ANKRD44: variants seen among roughly 807,000 people sequenced by gnomAD.
ANKRD44 encodes serine/threonine-protein phosphatase 6 regulatory ankyrin repeat subunit B.
In ANKRD44, 35 loss-of-function variants were observed where a neutral mutation model predicts 116.0. The ratio of observed to expected loss-of-function variants is 0.30; its 90% CI spans 0.23 to 0.40. The LOEUF is 0.40. Among genes scored for constraint, ANKRD44 ranks in the 10% least tolerant of loss-of-function variants. ANKRD44 has a pLI of 1.00. For missense variants in ANKRD44, 1,014 were observed against 1,242.6 expected, an observed-to-expected ratio of 0.82 and a Z score of 2.77; for synonymous variants, 435 against 461.8, an observed-to-expected ratio of 0.94 and a Z score of 0.74.
chr2:197,263,401 C>T, intron 1 of ANKRD44: 1 of 605,934 alleles, frequency 1.7e-6, no homozygotes, highest in Non-Finnish European at 3.0e-6. Context: ...GTTTGGGAGC[C>T]TCATCATTGA....
intron 6 of ANKRD44, among the ~76,000 whole-genome samples, 155 bp from the exon 7 acceptor site, chr2:197,122,947 T>C (rs980570092): frequency 6.6e-6 from 1 of 152,238 alleles, no homozygotes; most frequent in African/African-American, 2.4e-5. Flanking sequence ...TCAACAAATA[T>C]TTATTGAGTA....
At chr2:197,248,259 A>G (rs1306956503) in intron 1 of ANKRD44, among the ~76,000 whole-genome samples, 1 of 151,838 alleles carries the variant, frequency 6.6e-6, no homozygotes, top group African/African-American at 2.4e-5. Context: ...GGTCGGTGAG[A>G]CTCATCCAAT....
intron 16 of ANKRD44, among the ~76,000 whole-genome samples, chr2:197,059,841 T>C (rs897868789): frequency 1.3e-5 from 2 of 152,244 alleles, no homozygotes; most frequent in African/African-American, 4.8e-5. Context: ...ACAGGTTCTC[T>C]GATATTTTGA....
intron 2 of ANKRD44, among the ~76,000 whole-genome samples, chr2:197,148,347 C>T (rs72926637): frequency 0.033 from 5,066 of 152,270 alleles, 118 homozygotes; most frequent in Non-Finnish European, 0.051. Flanking sequence ...CTAGTCTACA[C>T]GTATGGTTTC....
intron 1 of ANKRD44, among the ~76,000 whole-genome samples, chr2:197,301,808 C>A (rs1443392289): frequency 6.6e-6 from 1 of 152,176 alleles, no homozygotes; most frequent in East Asian, 1.9e-4. Context: ...ACCAAACTAA[C>A]AAAATAATCT....
intron 21 of ANKRD44, among the ~76,000 whole-genome samples, chr2:196,970,393 A>C (rs1341394768): frequency 6.6e-6 from 1 of 152,178 alleles, no homozygotes; most frequent in African/African-American, 2.4e-5. Flanking sequence ...TCCGTGTTTT[A>C]CAGTTGAAGG....
intron 2 of ANKRD44, among the ~76,000 whole-genome samples, chr2:197,179,270 T>C (rs1283665606): frequency 6.6e-6 from 1 of 152,220 alleles, no homozygotes; most frequent in East Asian, 1.9e-4. Context: ...AAGAGTTTCC[T>C]AGCTAGTCTC....
At chr2:197,104,335 G>C (rs1233033264) in intron 9 of ANKRD44, among the ~76,000 whole-genome samples, 1 of 152,068 alleles carries the variant, frequency 6.6e-6, no homozygotes, top group Non-Finnish European at 1.5e-5. Context: ...TGGCCAGGCT[G>C]GTCTCGAACT....
chr2:197,125,887 G>A lies in ANKRD44; in HGVS notation c.412C>T (p.Arg138Ter). 1.2e-6 allele frequency: 2 copies of A among 1,614,152 alleles called. No individual in the cohort carries two copies. The highest frequency in any genetic ancestry group is 1.7e-6 in the Non-Finnish European group (2 of 1,180,042). ...TGGTGCAAGGCTGTGCGCCCCCCTC[G>A]GTCGGAGACATTGACACTGCTCAGC... is the stretch of plus-strand genomic sequence containing the variant. ...PLLSSVNVSDRGGRTALHHAA... is the reference protein window; with the variant it reads ...PLLSSVNVSD Residue 138 changes from arginine (R) to a stop codon, truncating the protein, a stop_gained, in exon 5 of 28, where the codon CGA becomes TGA. Coordinates refer to ENST00000282272, the MANE Select transcript of ANKRD44 (RefSeq NM_001195144.2). LOFTEE classifies it high-confidence loss of function.
intron 1 of ANKRD44, among the ~76,000 whole-genome samples, chr2:197,199,953 T>A (rs939172015): frequency 6.6e-6 from 1 of 152,212 alleles, no homozygotes; most frequent in Admixed American, 6.5e-5. Context: ...CCTCTATCAG[T>A]GCTTATCCAC....
rs2125660577 is a variant in ANKRD44 at position 197,201,118 on chromosome 2, G to C, written c.28-14012C>G. Among the ~76,000 whole-genome samples the C allele has an allele frequency of 6.6e-6, 1 of 152,196 alleles. No individual in the cohort carries two copies. The highest frequency in any genetic ancestry group is 1.9e-4 in the East Asian group (1 of 5,186). On this transcript the variant is annotated intron_variant, in intron 1 of 27. Transcript: ENST00000282272. The surrounding 1 kb of genome is among the most constrained non-coding windows in gnomAD (Gnocchi z 4.0). ...AAAGGCATGGGTAATTTTTAACTGA[G>C]AGGTGGTGCCACAGAGAAGTCTATG...
At chr2:197,283,123 C>G (rs776944286) in intron 1 of ANKRD44, among the ~76,000 whole-genome samples, 2 of 152,208 alleles carry the variant, frequency 1.3e-5, no homozygotes, top group Admixed American at 6.5e-5. Flanking sequence ...TAGATTCTCA[C>G]TGACCCACAG....
intron 1 of ANKRD44, among the ~76,000 whole-genome samples, chr2:197,214,645 G>A (rs2081403899): frequency 6.6e-6 from 1 of 152,012 alleles, no homozygotes; most frequent in Non-Finnish European, 1.5e-5. Flanking sequence ...GATATAGTTG[G>A]GAAAGAAAAG....
intron 1 of ANKRD44, among the ~76,000 whole-genome samples, chr2:197,223,736 AC>A (rs1204493418): frequency 6.6e-6 from 1 of 152,224 alleles, no homozygotes; most frequent in Non-Finnish European, 1.5e-5. Flanking sequence ...AATAGTTATA[AC>A]AACTTACACT....
chr2:197,290,652 T>A (rs944055564), intron 1 of ANKRD44, among the ~76,000 whole-genome samples: 1 of 152,246 alleles, frequency 6.6e-6, no homozygotes, highest in Non-Finnish European at 1.5e-5. Flanking sequence ...TTGCATGTAT[T>A]ATTACTAATT....
intron 16 of ANKRD44, among the ~76,000 whole-genome samples, chr2:197,049,512 T>C (rs542779535): frequency 2.0e-5 from 3 of 152,296 alleles, no homozygotes; most frequent in Admixed American, 2.0e-4. Flanking sequence ...GACACTAATA[T>C]TTAAGATCTA....
At chr2:197,210,453 G>A (rs1002252147) in intron 1 of ANKRD44, among the ~76,000 whole-genome samples, 1 of 152,238 alleles carries the variant, frequency 6.6e-6, no homozygotes, top group Admixed American at 6.5e-5. Context: ...GTCCCATCCA[G>A]ACCAAGATTT....
At chr2:197,024,689 G>C (rs145069155) in intron 17 of ANKRD44, among the ~76,000 whole-genome samples, 1 of 152,154 alleles carries the variant, frequency 6.6e-6, no homozygotes, top group African/African-American at 2.4e-5. Flanking sequence ...CTCAGACTTC[G>C]TTGAAGACCC....
intron 1 of ANKRD44, among the ~76,000 whole-genome samples, chr2:197,242,612 C>A (rs545936224): frequency 2.0e-5 from 3 of 152,218 alleles, no homozygotes; most frequent in African/African-American, 2.4e-5. Flanking sequence ...CATCTTCTAA[C>A]CTTACCAGGC....
Sources: gnomAD v4.1 joint callset for allele counts (sites outside exome capture counted in the v4.1 genomes callset) on GRCh38, gnomAD v4.1.1 for gene constraint, Gnocchi (gnomAD v3.1) non-coding constraint, MANE v1.5 for transcripts, NCBI Gene and HGNC (gene_info 2026-07-23, HGNC 2026-07-21) for gene names.